The following MBTD1 variants were observed in gnomAD, a reference collection of about 807,000 sequenced individuals.
MBTD1 encodes MBT domain-containing protein 1.
MBTD1 carries 24 observed loss-of-function variants against 87.8 expected under a neutral mutation model. The ratio of observed to expected loss-of-function variants is 0.27; its 90% CI spans 0.20 to 0.38. The LOEUF (loss-of-function observed/expected upper bound fraction) is 0.38, where lower values mean the gene tolerates loss of function less well. MBTD1 is among the 10% of genes least tolerant of loss of function. The pLI is 1.00. For missense variants in MBTD1, 436 were observed against 760.2 expected (o/e 0.57, Z 5.02); for synonymous variants, 237 against 248.6 (o/e 0.95, Z 0.44).
chr17:51,201,235 C>T (rs992674069), intron 12 of MBTD1, among the ~76,000 whole-genome samples: 2 of 152,088 alleles, frequency 1.3e-5, no homozygotes, highest in Non-Finnish European at 1.5e-5. Context: ...AAAACTACTA[C>T]CAAAAGGAAG....
chr17:51,228,477 T>C (rs2053358259), intron 2 of MBTD1, among the ~76,000 whole-genome samples: 1 of 138,478 alleles, frequency 7.2e-6, no homozygotes, highest in Admixed American at 7.7e-5. Flanking sequence ...AGATGTTGCC[T>C]CATTCAAACC....
rs565664535 is a variant in MBTD1, at chr17:51,225,087, G to A, written c.75C>T (p.Val25=). 6.4e-6 allele frequency: 10 copies of A among 1,551,470 alleles called. No individual in the cohort carries two copies. The highest frequency in any genetic ancestry group is 3.6e-5 in the South Asian group (3 of 84,004). Residue 25 remains valine (V), a synonymous_variant, in exon 3 of 17, where the codon GTC becomes GTT. Coordinates refer to ENST00000586178, the MANE Select transcript of MBTD1 (RefSeq NM_017643.3). ...TCGGGAGATTAGAAGGTAAAGGAGC[G>A]ACTTCTTCCTCACTCTCTTCGGAGC... ...SSSSEESEEE[V]APLPSNLPII...
At chr17:51,204,617 C>T (rs1486743600) in intron 7 of MBTD1, among the ~76,000 whole-genome samples, 2 of 150,922 alleles carry the variant, frequency 1.3e-5, no homozygotes, top group Non-Finnish European at 3.0e-5. Context: ...ATTCACCTGC[C>T]TCAGCCTCTT....
At chr17:51,202,958 T>G in intron 9 of MBTD1, 23 bp from the exon 10 acceptor site, 1 of 1,562,012 alleles carries the variant, frequency 6.4e-7, no homozygotes. Flanking sequence ...CAAAAAAAAC[T>G]GCTCGAAATT....
At chr17:51,252,467 TG>T (rs2054844145) in intron 2 of MBTD1, among the ~76,000 whole-genome samples, 1 of 152,166 alleles carries the variant, frequency 6.6e-6, no homozygotes, top group Admixed American at 6.5e-5. Flanking sequence ...GGCTCACACC[TG>T]TAATCCTAGC....
At chr17:51,260,516 C>G (rs1164325559), upstream of MBTD1, 2 of 1,482,802 alleles carry the variant, frequency 1.3e-6, no homozygotes, top group African/African-American at 1.4e-5. Context: ...GGCGGCGGCC[C>G]GCGAGGGGCC....
chr17:51,241,733 ATTTT>A (rs1208864003), intron 2 of MBTD1, among the ~76,000 whole-genome samples: 4 of 151,694 alleles, frequency 2.6e-5, no homozygotes, highest in Admixed American at 2.6e-4. Context: ...CAGGCTATTT[ATTTT>A]TTTATTTTTA....
At position 51,203,840 on chromosome 17, in the gene MBTD1, A is replaced by G. The variant is rs773047454; in HGVS notation, c.690T>C (p.His230=). Residue 230 remains histidine, a synonymous_variant, in exon 8 of 17, where the codon CAT becomes CAC. Coordinates refer to ENST00000586178, the MANE Select transcript of MBTD1 (RefSeq NM_017643.3). ...FWCNICGSDI[H]PVGWCAASGK... ...CGCTGGCTGCACACCAACCAACTGG[A>G]TGGATATCAGAACCACATATATTGC... 2 of 1,613,692 alleles carry G rather than the reference A, an allele frequency of 1.2e-6. No homozygotes were observed. Among genetic ancestry groups the G allele is most frequent in the Non-Finnish European group, 1.7e-6 (2 of 1,179,758 alleles).
chr17:51,250,448 G>C (rs1248050154), intron 2 of MBTD1: 2 of 152,102 alleles, frequency 1.3e-5, no homozygotes, highest in Non-Finnish European at 2.9e-5. Context: ...AGTATTCCCT[G>C]AGTTCCTGCA....
chr17:51,181,863 G>C (rs1347464416), intron 16 of MBTD1, among the ~76,000 whole-genome samples: 3 of 152,092 alleles, frequency 2.0e-5, no homozygotes, highest in Admixed American at 2.0e-4. Context: ...TATGGAAAAC[G>C]GTTTTTCAGT....
At chr17:51,206,143 A>T (rs1453104372) in intron 7 of MBTD1, among the ~76,000 whole-genome samples, 1 of 152,172 alleles carries the variant, frequency 6.6e-6, no homozygotes, top group Non-Finnish European at 1.5e-5. Context: ...GATTCCTAAC[A>T]TGTTTACTTC....
At chr17:51,229,901 CCCCGT>C (rs2053457113) in intron 2 of MBTD1, among the ~76,000 whole-genome samples, 1 of 152,144 alleles carries the variant, frequency 6.6e-6, no homozygotes, top group South Asian at 2.1e-4. Context: ...ACCTCATGAT[CCCCGT>C]CTCGGCCTCC....
At chr17:51,201,089 A>G (rs1049011556) in intron 12 of MBTD1, among the ~76,000 whole-genome samples, 1 of 152,058 alleles carries the variant, frequency 6.6e-6, no homozygotes, top group Non-Finnish European at 1.5e-5. Flanking sequence ...TGATCACACT[A>G]CTGCACTCCA....
At chr17:51,203,757 A>C (rs2051634574) in intron 8 of MBTD1, 34 bp downstream of exon 8, 2 of 1,589,014 alleles carry the variant, frequency 1.3e-6, no homozygotes, top group Non-Finnish European at 1.7e-6. Context: ...TACACATATA[A>C]AAAAATTACG....
chr17:51,210,654 G>C (rs1341289719), intron 6 of MBTD1, among the ~76,000 whole-genome samples: 1 of 152,048 alleles, frequency 6.6e-6, no homozygotes, highest in African/African-American at 2.4e-5. Flanking sequence ...TACTTGGGAG[G>C]CTGAGGCAGG....
At chr17:51,218,332 C>T (rs1225186469) in intron 5 of MBTD1, among the ~76,000 whole-genome samples, 1 of 151,888 alleles carries the variant, frequency 6.6e-6, no homozygotes, top group Admixed American at 6.6e-5. Flanking sequence ...AGTTCTAGAC[C>T]AGCCTGGCCA....
At position 51,259,849 on chromosome 17, in the gene MBTD1, T is replaced by C. The variant is rs2055366000; in HGVS notation, c.-127A>G. 1.6e-6 allele frequency: 2 copies of C among 1,231,748 alleles called. No individual in the cohort carries two copies. The highest frequency in any genetic ancestry group is 2.0e-6 in the Non-Finnish European group (2 of 987,852). The allele number at this position is 1,231,748 out of a possible 1,614,324, so 76.3% of individuals were successfully genotyped here. A position where few individuals can be genotyped will look rare whatever the true frequency, so the allele number is the denominator to read the frequency against. ...TCGGCTCTCACCAGATCCTTTGTGT[T>C]TTCCATCAGGGCCTCATGGGTAGGG... is the stretch of plus-strand genomic sequence containing the variant. On this transcript the variant is annotated 5_prime_UTR_variant, in exon 1 of 17. Transcript: ENST00000586178.
At chr17:51,253,241 C>T (rs985044774) in intron 2 of MBTD1, among the ~76,000 whole-genome samples, 2 of 152,044 alleles carry the variant, frequency 1.3e-5, no homozygotes, top group Admixed American at 6.6e-5. Context: ...ACTATCTTTC[C>T]GGAAGGCAAT....
chr17:51,211,066 G>A (rs1319577332), intron 6 of MBTD1, among the ~76,000 whole-genome samples: 1 of 151,196 alleles, frequency 6.6e-6, no homozygotes, highest in Non-Finnish European at 1.5e-5. Context: ...GAACCCAGGA[G>A]GCGAAGTTTG....
Sources: gnomAD v4.1 joint callset for allele counts (sites outside exome capture counted in the v4.1 genomes callset) on GRCh38, gnomAD v4.1.1 for gene constraint, MANE v1.5 for transcripts, NCBI Gene and HGNC (gene_info 2026-07-23, HGNC 2026-07-21) for gene names.